Variants in PRSS50 observed in about 807,000 individuals in gnomAD.
PRSS50 encodes serine protease 50, also known as probable threonine protease PRSS50.
PRSS50 carries 23 observed loss-of-function variants against 34.2 expected under a neutral mutation model. That is an observed-to-expected ratio of 0.67 (90% CI 0.48 to 0.95). PRSS50 has a LOEUF of 0.95. Ranked by LOEUF, PRSS50 falls within the 40% of genes least tolerant of loss-of-function variation. PRSS50 has a pLI of 0.00. For missense variants in PRSS50, 484 were observed against 513.4 expected, an observed-to-expected ratio of 0.94 and a Z score of 0.55; for synonymous variants, 224 against 211.2, an observed-to-expected ratio of 1.06 and a Z score of -0.53.
Position 46,715,674 on chromosome 3 carries a change from C to G in PRSS50, c.331G>C (p.Asp111His), listed in dbSNP as rs993433708. Residue 111 changes from aspartate (D) to histidine (H), a missense_variant, in exon 3 of 6, where the codon GAC becomes CAC. By Grantham distance (81) the Asp-to-His change is moderately conservative. Transcript: ENST00000315170. The surrounding 1 kb of genome is among the most constrained non-coding windows in gnomAD (Gnocchi z 5.2). ...GCTTCTGGGTCCCTGAGGGTGGGGT[C>G]CTGCTCGTAGGAAAAGCCACAGGCT... ...YRSCGFSYEQ[D>H]PTLRDPEAVA... 1.2e-6 allele frequency: 2 copies of G among 1,606,892 alleles called. No individual in the cohort carries two copies. Among genetic ancestry groups the G allele is most frequent in the Non-Finnish European group, 1.7e-6 (2 of 1,176,502 alleles).
Position 46,714,308 on chromosome 3 carries a change from C to A in PRSS50, c.664G>T (p.Val222Leu). The A allele has an allele frequency of 6.2e-7, 1 of 1,614,150 alleles. No homozygotes were observed. Among genetic ancestry groups the A allele is most frequent in the Non-Finnish European group, 8.5e-7 (1 of 1,180,046 alleles). Reference sequence around the variant, plus strand: ...GTGCCAGGCAGGCAGATGGGCCGCACGTAATTGCTGTACTTGAGTTCCTGC... The same window carrying A: ...GTGCCAGGCAGGCAGATGGGCCGCAAGTAATTGCTGTACTTGAGTTCCTGC... Reference protein sequence around the residue: ...LKQELKYSNYVRPICLPGTDY... With the variant: ...LKQELKYSNYLRPICLPGTDY... Residue 222 changes from valine (V) to leucine (L), a missense_variant, in exon 4 of 6, where the codon GTG becomes TTG. Transcript: ENST00000315170.
At chr3:46,712,659 C>T (rs1700634842) in intron 5 of PRSS50, among the ~76,000 whole-genome samples, 177 bp from the exon 6 acceptor site, 2 of 151,610 alleles carry the variant, frequency 1.3e-5, no homozygotes, top group Non-Finnish European at 2.9e-5. Context: ...TCCCCCACCT[C>T]TTAACACCCA....
chr3:46,715,493 T>A lies in PRSS50; in HGVS notation c.470+42A>T. 1 of 1,585,668 alleles carries A rather than the reference T, an allele frequency of 6.3e-7. No homozygotes were observed. Among genetic ancestry groups the A allele is most frequent in the Non-Finnish European group, 8.6e-7 (1 of 1,158,408 alleles). On this transcript the variant is annotated intron_variant, in intron 3 of 5. Transcript: ENST00000315170. The surrounding 1 kb of genome is among the most constrained non-coding windows in gnomAD (Gnocchi z 5.2). ...AGGGGATGACTGGGCCCACAGCAGCTCCAAATACCTCTCCACCCACCCCAC... is the reference window on the plus strand; with the variant it reads ...AGGGGATGACTGGGCCCACAGCAGCACCAAATACCTCTCCACCCACCCCAC...
In PRSS50 at chr3:46,715,638, G is replaced by T. The variant is rs768513309; in HGVS notation, c.367C>A (p.Arg123=). ...CGCACGCTGACCATCCAGGGCCACC[G>T]CCGAGCCACGGCTTCTGGGTCCCTG... is the stretch of plus-strand genomic sequence containing the variant. ...TLRDPEAVAR[R]WPWMVSVRAN... is the part of the protein sequence containing the mutation. The change falls in exon 3 of 6, where the codon CGG becomes AGG. Residue 123 remains arginine, a synonymous_variant. Transcript: ENST00000315170. This position sits in a 1 kb window ranked among gnomAD's most constrained non-coding sequence, Gnocchi z 5.2. 8 of 1,611,572 alleles carry T rather than the reference G, an allele frequency of 5.0e-6. No individual in the cohort carries two copies. The Admixed American group carries it at 1.2e-4, about 24-fold the overall frequency.
intron 4 of PRSS50, 108 bp downstream of exon 4, chr3:46,714,110 G>T (rs988600385): frequency 6.9e-5 from 97 of 1,410,622 alleles, no homozygotes; most frequent in Middle Eastern, 2.4e-4. Context: ...GGAGCGGCAG[G>T]CTCCCTGGGG....
Position 46,715,450 on chromosome 3 carries a change from C to T in PRSS50, c.470+85G>A, listed in dbSNP as rs980147121. The T allele has an allele frequency of 2.6e-6, 4 of 1,533,308 alleles. No individual in the cohort carries two copies. The highest frequency in any genetic ancestry group is 3.5e-6 in the Non-Finnish European group (4 of 1,127,136). 95.0% of individuals were successfully genotyped at this position (1,533,308 alleles called of 1,614,324 possible). A position where few individuals can be genotyped will look rare whatever the true frequency, so the allele number is the denominator to read the frequency against. On this transcript the variant is annotated intron_variant, in intron 3 of 5. Coordinates refer to ENST00000315170, the MANE Select transcript of PRSS50 (RefSeq NM_013270.5). The surrounding 1 kb of genome is among the most constrained non-coding windows in gnomAD (Gnocchi z 5.2). ...TGAGGCTGGGGCTGGGACTGTGGGC[C>T]CAGAACAGCTGGCAGGGAGGGGATG... is the stretch of plus-strand genomic sequence containing the variant.
In PRSS50 at chr3:46,716,610, C is replaced by T. The variant is rs532651198; in HGVS notation, c.307+827G>A. Among the ~76,000 whole-genome samples, 115 of 152,214 alleles carry T rather than the reference C, an allele frequency of 7.6e-4. 2 individuals are homozygous for T. Among genetic ancestry groups the T allele is most frequent in the Non-Finnish European group, 1.3e-3 (90 of 68,016 alleles). On this transcript the variant is annotated intron_variant, in intron 2 of 5. Coordinates refer to ENST00000315170, the MANE Select transcript of PRSS50 (RefSeq NM_013270.5). The surrounding 1 kb of genome is among the most constrained non-coding windows in gnomAD (Gnocchi z 4.4). Reference sequence around the variant, plus strand: ...TGATGAGATTCTGCTCTGTACCATCCGCCTGGCAAAAACGCAACATCTGTG... The same window carrying T: ...TGATGAGATTCTGCTCTGTACCATCTGCCTGGCAAAAACGCAACATCTGTG...
In PRSS50 at chr3:46,715,564, C is replaced by A. The variant is rs776477155; in HGVS notation, c.441G>T (p.Trp147Cys). The A allele has an allele frequency of 1.9e-6, 3 of 1,613,694 alleles. No homozygotes were observed. The stretch of plus-strand genomic sequence containing the variant: ...TCAGGCAGTGGGCCACAGTCAGCAC[C>A]CACTGGGAGGCAATGATGGTGCCGG... ...ICAGTIIASQ[W>C]VLTVAHCLIW... Residue 147 changes from tryptophan (W) to cysteine (C), a missense_variant, in exon 3 of 6, where the codon TGG becomes TGT. Physicochemically the swap from Trp to Cys is radical, Grantham distance 215. Coordinates refer to ENST00000315170, the MANE Select transcript of PRSS50 (RefSeq NM_013270.5). This position sits in a 1 kb window ranked among gnomAD's most constrained non-coding sequence, Gnocchi z 5.2.
chr3:46,714,926 C>T (rs113931322), intron 3 of PRSS50, among the ~76,000 whole-genome samples: 4 of 152,190 alleles, frequency 2.6e-5, no homozygotes, highest in Non-Finnish European at 4.4e-5. Context: ...TATCTAGCTG[C>T]GCACCCCGGG....
rs1421448958 is a variant in PRSS50, at chr3:46,715,796, C to T, written c.308-99G>A. The T allele has an allele frequency of 6.1e-6, 8 of 1,310,402 alleles. No individual in the cohort carries two copies. The highest frequency in any genetic ancestry group is 5.8e-5 in the South Asian group (4 of 68,518). 81.2% of individuals were successfully genotyped at this position (1,310,402 alleles called of 1,614,324 possible). ...GCCTCTCCAGCCACTGGCCTGCACCCATCCAGGGGTGCTCCCTTTTCACCT... is the reference window on the plus strand; with the variant it reads ...GCCTCTCCAGCCACTGGCCTGCACCTATCCAGGGGTGCTCCCTTTTCACCT... On this transcript the variant is annotated intron_variant, in intron 2 of 5. Transcript: ENST00000315170. This position sits in a 1 kb window ranked among gnomAD's most constrained non-coding sequence, Gnocchi z 5.2.
At position 46,714,457 on chromosome 3, in the gene PRSS50, T is replaced by C; in HGVS notation, c.515A>G (p.Asp172Gly). The part of the protein sequence containing the change: ...YSVRVGSPWI[D>G]QMTQTASDVP... Reference sequence around the variant, plus strand: ...ATCGGAGGCGGTCTGCGTCATCTGGTCAATCCACGGACTCCCCACCCTCAC... The same window carrying C: ...ATCGGAGGCGGTCTGCGTCATCTGGCCAATCCACGGACTCCCCACCCTCAC... The change falls in exon 4 of 6, where the codon GAC becomes GGC. Residue 172 changes from aspartate to glycine, a missense_variant. Physicochemically the swap from Asp to Gly is moderately conservative, Grantham distance 94. Coordinates refer to ENST00000315170, the MANE Select transcript of PRSS50 (RefSeq NM_013270.5). 2 of 1,607,614 alleles carry C rather than the reference T, an allele frequency of 1.2e-6. No individual in the cohort carries two copies. Among genetic ancestry groups the C allele is most frequent in the African/African-American group, 1.3e-5 (1 of 74,846 alleles).
At position 46,714,427 on chromosome 3, in the gene PRSS50, G is replaced by C; in HGVS notation, c.545C>G (p.Pro182Arg). The C allele has an allele frequency of 6.2e-7, 1 of 1,612,018 alleles. No individual in the cohort carries two copies. Among genetic ancestry groups the C allele is most frequent in the Non-Finnish European group, 8.5e-7 (1 of 1,179,166 alleles). ...DQMTQTASDV[P>R]VLQVIMHSRY... Reference sequence around the variant, plus strand: ...GCTATGCATGATGACCTGGAGCACCGGGACATCGGAGGCGGTCTGCGTCAT... The same window carrying C: ...GCTATGCATGATGACCTGGAGCACCCGGACATCGGAGGCGGTCTGCGTCAT... Residue 182 changes from proline (P) to arginine (R), a missense_variant, in exon 4 of 6, where the codon CCG becomes CGG. Physicochemically the swap from Pro to Arg is moderately radical, Grantham distance 103 (BLOSUM62 -2). Coordinates refer to ENST00000315170, the MANE Select transcript of PRSS50 (RefSeq NM_013270.5).
At position 46,715,251 on chromosome 3, in the gene PRSS50, C is replaced by T. The variant is rs550034775; in HGVS notation, c.470+284G>A. ...AATGAAAGAACTAGGAGCTTCTTCC[C>T]GTGGAGAGGAGGCATGAGGCCAGAC... On this transcript the variant is annotated intron_variant, in intron 3 of 5. Coordinates refer to ENST00000315170, the MANE Select transcript of PRSS50 (RefSeq NM_013270.5). This position sits in a 1 kb window ranked among gnomAD's most constrained non-coding sequence, Gnocchi z 5.2. Among the ~76,000 whole-genome samples, 8 of 152,324 alleles carry T rather than the reference C, an allele frequency of 5.3e-5. No homozygotes were observed. Among genetic ancestry groups the T allele is most frequent in the East Asian group, 3.9e-4 (2 of 5,184 alleles).
At chr3:46,714,128 C>G in intron 4 of PRSS50, 90 bp downstream of exon 4, 1 of 1,499,836 alleles carries the variant, frequency 6.7e-7, no homozygotes, top group Non-Finnish European at 9.0e-7. Flanking sequence ...GGGAAGGTGC[C>G]TCAGAAACAT....
rs372003072 is a variant in PRSS50, at chr3:46,717,640, G to A, written c.107-3C>T. The A allele has an allele frequency of 1.9e-5, 31 of 1,612,292 alleles. No homozygotes were observed. Among genetic ancestry groups the A allele is most frequent in the East Asian group, 1.3e-4 (6 of 44,834 alleles). On this transcript the variant is annotated splice_region_variant and splice_polypyrimidine_tract_variant and intron_variant, in intron 1 of 5. Coordinates refer to ENST00000315170, the MANE Select transcript of PRSS50 (RefSeq NM_013270.5). The surrounding 1 kb of genome is among the most constrained non-coding windows in gnomAD (Gnocchi z 4.5). ...GGCTTCCCCTGCGCCCCAGCAACCTGCGGAGGACGTCGAGCGGATTAGAGG... is the reference window on the plus strand; with the variant it reads ...GGCTTCCCCTGCGCCCCAGCAACCTACGGAGGACGTCGAGCGGATTAGAGG...
rs200124361 is a variant in PRSS50, at chr3:46,717,584, C to T, written c.160G>A (p.Asp54Asn). ...PGALSTADPADQSVQCVPKAT... is the reference protein window; with the variant it reads ...PGALSTADPANQSVQCVPKAT... ...TTGGGGACACACTGGACGCTCTGGT[C>T]GGCGGGATCAGCAGTGGACAGCGCC... The change falls in exon 2 of 6, where the codon GAC becomes AAC. Residue 54 changes from aspartate to asparagine, a missense_variant. Asp to Asn is a conservative substitution (Grantham distance 23, BLOSUM62 1). Transcript: ENST00000315170. The surrounding 1 kb of genome is among the most constrained non-coding windows in gnomAD (Gnocchi z 4.5). 4 of 1,613,470 alleles carry T rather than the reference C, an allele frequency of 2.5e-6. No homozygotes were observed. The African/African-American group carries it at 4.0e-5, about 16-fold the overall frequency.
intron 5 of PRSS50, 57 bp downstream of exon 5, chr3:46,712,844 C>G: frequency 6.3e-7 from 1 of 1,585,714 alleles, no homozygotes. Flanking sequence ...TCTCCCTCCC[C>G]AGATGCCTCT....
intron 4 of PRSS50, among the ~76,000 whole-genome samples, chr3:46,713,900 G>T (rs2106793563): frequency 6.6e-6 from 1 of 152,368 alleles, no homozygotes; most frequent in South Asian, 2.1e-4. Flanking sequence ...AGCTGCCGAT[G>T]CCTGGGCAGT....
chr3:46,712,283 G>A lies in PRSS50; in HGVS notation c.1121C>T (p.Ala374Val), dbSNP rs368966860. The change falls in exon 6 of 6, where the codon GCA (alanine) becomes GTA (valine). Residue 374 changes from alanine (A) to valine (V), a missense_variant. By Grantham distance (64) the Ala-to-Val change is moderately conservative. Transcript: ENST00000315170. ...LPAPSRTLLLALPLPLSLLAA... is the reference protein window; with the variant it reads ...LPAPSRTLLLVLPLPLSLLAA... ...AAGGAGGCTGAGGGGCAGTGGGAGT[G>A]CCAGGAGCAGGGTCCTGGATGGGGC... The A allele has an allele frequency of 2.1e-5, 34 of 1,612,180 alleles. No homozygotes were observed. Among genetic ancestry groups the A allele is most frequent in the Admixed American group, 1.7e-4 (10 of 59,760 alleles).
Sources: gnomAD v4.1 joint callset for allele counts (sites outside exome capture counted in the v4.1 genomes callset) on GRCh38, gnomAD v4.1.1 for gene constraint, Gnocchi (gnomAD v3.1) non-coding constraint, MANE v1.5 for transcripts, NCBI Gene and HGNC (gene_info 2026-07-23, HGNC 2026-07-21) for gene names.